DCAF8: variants seen among roughly 807,000 people sequenced by gnomAD.
The protein encoded by DCAF8 is DDB1 and CUL4 associated factor 8.
A neutral mutation model predicts 68.0 loss-of-function variants in DCAF8; 20 were observed. The ratio of observed to expected loss-of-function variants is 0.29; its 90% CI spans 0.21 to 0.43. The LOEUF is 0.43. Among genes scored for constraint, DCAF8 ranks in the 20% least tolerant of loss-of-function variants. The pLI is 1.00. For missense variants in DCAF8, 460 were observed against 771.0 expected (o/e 0.60, Z 4.78); for synonymous variants, 230 against 276.9 (o/e 0.83, Z 1.68).
chr1:160,247,131 C>T (rs912134337), intron 2 of DCAF8, among the ~76,000 whole-genome samples: 10 of 152,118 alleles, frequency 6.6e-5, no homozygotes, highest in African/African-American at 2.4e-4. Context: ...CATGTAAAAT[C>T]TAGTCCAAAG....
intron 3 of DCAF8, 63 bp downstream of exon 3, chr1:160,243,897 G>A: frequency 1.3e-6 from 2 of 1,536,976 alleles, no homozygotes; most frequent in Non-Finnish European, 1.8e-6. Flanking sequence ...ACTCTATCTT[G>A]CAGGGAGGAG....
chr1:160,222,007 A>G (rs1655317421), intron 11 of DCAF8, among the ~76,000 whole-genome samples: 2 of 152,164 alleles, frequency 1.3e-5, no homozygotes, highest in South Asian at 4.1e-4. Flanking sequence ...TCAGCTACTA[A>G]AAAACAATTG....
intron 2 of DCAF8, among the ~76,000 whole-genome samples, chr1:160,257,706 G>T (rs1238396472): frequency 6.6e-6 from 1 of 152,198 alleles, no homozygotes; most frequent in Non-Finnish European, 1.5e-5. Flanking sequence ...AAGGACCATG[G>T]CACTGGAACT....
At chr1:160,219,026 AC>A in intron 11 of DCAF8, 58 bp from the exon 12 acceptor site, 1 of 1,595,458 alleles carries the variant, frequency 6.3e-7, no homozygotes, top group Non-Finnish European at 8.5e-7. Flanking sequence ...GGGTTTAAAA[AC>A]CACTACTCAC....
chr1:160,222,638 A>G lies in DCAF8; in HGVS notation c.1440+13T>C, dbSNP rs1557829213. 6.2e-7 allele frequency: 1 copy of G among 1,614,008 alleles called. No individual in the cohort carries two copies. The highest frequency in any genetic ancestry group is 8.5e-7 in the Non-Finnish European group (1 of 1,179,938). ...AGATTAGGGAGCCAGCCAGCTCAGC[A>G]CACCATACTCACCACGCCTCCCTTG... On this transcript the variant is annotated intron_variant, in intron 11 of 13. Coordinates refer to ENST00000368074, the MANE Select transcript of DCAF8 (RefSeq NM_015726.4).
At chr1:160,257,721 C>CT (rs1557844291) in intron 2 of DCAF8, among the ~76,000 whole-genome samples, 2 of 152,162 alleles carry the variant, frequency 1.3e-5, no homozygotes, top group Non-Finnish European at 2.9e-5. Context: ...GGAACTGATT[C>CT]TTTTTTTTGA....
intron 7 of DCAF8, among the ~76,000 whole-genome samples, chr1:160,229,319 A>T (rs1483750868): frequency 6.6e-6 from 1 of 152,120 alleles, no homozygotes; most frequent in African/African-American, 2.4e-5. Context: ...AAATCTTCAC[A>T]TAACTTCTGC....
chr1:160,255,108 T>A (rs569862259), intron 2 of DCAF8, among the ~76,000 whole-genome samples: 1 of 152,200 alleles, frequency 6.6e-6, no homozygotes, highest in Non-Finnish European at 1.5e-5. Context: ...ACATCGTATA[T>A]AATATAGGAC....
At chr1:160,245,028 ACAGT>A (rs769446833) in intron 2 of DCAF8, among the ~76,000 whole-genome samples, 4 of 152,224 alleles carry the variant, frequency 2.6e-5, no homozygotes, top group African/African-American at 4.8e-5. Context: ...CTTAGGACTA[ACAGT>A]CAGAGTCTCT....
At chr1:160,226,733 T>C (rs1414752576) in intron 7 of DCAF8, among the ~76,000 whole-genome samples, 8 of 152,222 alleles carry the variant, frequency 5.3e-5, no homozygotes, top group African/African-American at 1.9e-4. Context: ...AAAAGAACAA[T>C]CAACATTCAA....
intron 6 of DCAF8, among the ~76,000 whole-genome samples, chr1:160,234,748 C>T: frequency 6.6e-6 from 1 of 152,148 alleles, no homozygotes; most frequent in East Asian, 1.9e-4. Context: ...CTGGAAATAA[C>T]AAACATCATG....
intron 3 of DCAF8, 47 bp downstream of exon 3, chr1:160,243,913 C>T (rs1214293665): frequency 1.9e-6 from 3 of 1,596,732 alleles, no homozygotes; most frequent in Non-Finnish European, 2.6e-6. Context: ...AGGAGGACAA[C>T]CTCAGTTGAT....
Position 160,231,334 on chromosome 1 carries a change from G to A in DCAF8, c.1033C>T (p.His345Tyr), listed in dbSNP as rs867007346. ...YTIYVNPANT[H>Y]QFAVGGRDQF... ...TCTCGTCCACCCACTGCAAACTGGT[G>A]GGTATTGGCAGGATTCACATAGATC... is the stretch of plus-strand genomic sequence containing the variant. The change falls in exon 7 of 14, where the codon CAC (histidine) becomes TAC (tyrosine). Residue 345 changes from histidine (H) to tyrosine (Y), a missense_variant. His to Tyr is a moderately conservative substitution (Grantham distance 83). Coordinates refer to ENST00000368074, the MANE Select transcript of DCAF8 (RefSeq NM_015726.4). 6.2e-7 allele frequency: 1 copy of A among 1,614,026 alleles called. No individual in the cohort carries two copies. The highest frequency in any genetic ancestry group is 1.1e-5 in the South Asian group (1 of 91,072).
At chr1:160,242,505 T>C (rs1656158145) in intron 3 of DCAF8, among the ~76,000 whole-genome samples, 1 of 152,206 alleles carries the variant, frequency 6.6e-6, no homozygotes, top group South Asian at 2.1e-4. Context: ...ATCTAGTGTT[T>C]ATTGTTAAAA....
At chr1:160,226,275 G>A (rs1315102731) in intron 7 of DCAF8, among the ~76,000 whole-genome samples, 1 of 152,122 alleles carries the variant, frequency 6.6e-6, no homozygotes, top group African/African-American at 2.4e-5. Flanking sequence ...CAATGGGTCT[G>A]TAATCCCTCC....
intron 10 of DCAF8, among the ~76,000 whole-genome samples, chr1:160,223,967 G>C (rs1655382952): frequency 6.6e-6 from 1 of 152,168 alleles, no homozygotes; most frequent in South Asian, 2.1e-4. Context: ...GTGCCCCAAA[G>C]TTTGGGAACC....
chr1:160,262,187 G>A, intron 1 of DCAF8: 1 of 397,012 alleles, frequency 2.5e-6, no homozygotes. Context: ...TGAGCGCTAA[G>A]AGCTTGGGAT....
At chr1:160,253,469 G>A (rs1178989875) in intron 2 of DCAF8, among the ~76,000 whole-genome samples, 1 of 151,844 alleles carries the variant, frequency 6.6e-6, no homozygotes, top group African/African-American at 2.4e-5. Context: ...CCAACATGGT[G>A]AAACCCTGTC....
rs182110365 is a variant in DCAF8 at position 160,250,954 on chromosome 1, A to G, written c.-26-6920T>C. On this transcript the variant is annotated intron_variant, in intron 2 of 13. Transcript: ENST00000368074. ...TACCTTGAGCCCGATCGAAACATCA[A>G]CGTGTAAATATTATTATTGTCCTTG... 1.2e-3 allele frequency among the ~76,000 whole-genome samples: 186 copies of G among 152,232 alleles called. 2 individuals carry two copies. The highest frequency in any genetic ancestry group is 0.012 in the Admixed American group (180 of 15,276).
Sources: allele counts gnomAD v4.1 joint callset (sites outside exome capture counted in the v4.1 genomes callset), GRCh38; gene constraint gnomAD v4.1.1; transcripts MANE v1.5; gene names NCBI Gene and HGNC (gene_info 2026-07-23, HGNC 2026-07-21).